Variants in MSMO1 observed in about 807,000 individuals in gnomAD.
MSMO1 encodes C-4 methylsterol oxidase.
A neutral mutation model predicts 30.4 loss-of-function variants in MSMO1; 18 were observed. The ratio of observed to expected loss-of-function variants is 0.59; its 90% CI spans 0.41 to 0.88. MSMO1 has a LOEUF of 0.88. MSMO1 is among the 40% of genes least tolerant of loss of function. The pLI is 0.00. For missense variants in MSMO1, 284 were observed against 340.5 expected (o/e 0.83, Z 1.31); for synonymous variants, 84 against 107.9 (o/e 0.78, Z 1.37).
At chr4:165,336,045 C>A (rs1747534970) in intron 2 of MSMO1, among the ~76,000 whole-genome samples, 1 of 152,022 alleles carries the variant, frequency 6.6e-6, no homozygotes, top group South Asian at 2.1e-4. Context: ...TTAACATATG[C>A]AATAAATGTT....
chr4:165,338,220 A>C (rs183615412), intron 3 of MSMO1, among the ~76,000 whole-genome samples: 1 of 151,718 alleles, frequency 6.6e-6, no homozygotes, highest in East Asian at 1.9e-4. Flanking sequence ...AATATATTAC[A>C]TTTTAATTTT....
chr4:165,331,638 A>G (rs1044134638), intron 1 of MSMO1, among the ~76,000 whole-genome samples: 6 of 152,198 alleles, frequency 3.9e-5, no homozygotes, highest in South Asian at 2.1e-4. Flanking sequence ...GAATGGGATA[A>G]AAGGTCAGTT....
chr4:165,342,183 A>T lies in MSMO1; in HGVS notation c.*237A>T, dbSNP rs1747734158. On this transcript the variant is annotated 3_prime_UTR_variant, in exon 6 of 6. Transcript: ENST00000261507. ...AGTACAGTTTTCATGAGGAAGTTTT[A>T]AAAGACCATGTTCCTAAGCTTCCAA... The T allele has an allele frequency of 7.6e-6, 3 of 393,444 alleles. No homozygotes were observed. The Admixed American group carries it at 1.3e-4, about 16-fold the overall frequency. The allele number at this position is 393,444 out of a possible 1,614,324, so 24.4% of individuals were successfully genotyped here.
chr4:165,336,092 T>A (rs1007749364), intron 2 of MSMO1, among the ~76,000 whole-genome samples: 8 of 152,118 alleles, frequency 5.3e-5, no homozygotes, highest in African/African-American at 1.9e-4. Context: ...TAGAAGAAGT[T>A]GGTGGTGGTG....
rs752641082 is a variant in MSMO1, at chr4:165,337,878, A to T, written c.345A>T (p.Gly115=). The T allele has an allele frequency of 6.2e-7, 1 of 1,613,184 alleles. No individual in the cohort carries two copies. The highest frequency in any genetic ancestry group is 1.1e-5 in the South Asian group (1 of 91,068). Residue 115 remains glycine, a synonymous_variant, in exon 3 of 6, where the codon GGA becomes GGT. Coordinates refer to ENST00000261507, the MANE Select transcript of MSMO1 (RefSeq NM_006745.5). ...HFCIQLPLIC[G]TYYFTEYFNI... is the part of the protein sequence containing the mutation. ...GTATCCAGCTGCCTTTGATTTGTGG[A>T]ACCTATTATTTTACAGAGTATTTCA...
chr4:165,328,442 G>C (rs549057772), intron 1 of MSMO1, among the ~76,000 whole-genome samples: 10 of 152,264 alleles, frequency 6.6e-5, no homozygotes, highest in African/African-American at 2.2e-4. Context: ...GGTTATCTCT[G>C]ATGTTTAAAT....
At chr4:165,337,639 A>G (rs891893357) in intron 2 of MSMO1, 150 bp from the exon 3 acceptor site, 22 of 744,540 alleles carry the variant, frequency 3.0e-5, no homozygotes, top group Admixed American at 8.0e-5. Context: ...GTTGTCAAGA[A>G]TTTAGAAGGC....
intron 2 of MSMO1, among the ~76,000 whole-genome samples, chr4:165,335,665 G>A (rs1019219537): frequency 3.9e-5 from 6 of 152,176 alleles, no homozygotes; most frequent in Non-Finnish European, 8.8e-5. Flanking sequence ...CCTTTGCAGA[G>A]AGACAAAGGA....
At chr4:165,337,417 G>A (rs1396779655) in intron 2 of MSMO1, among the ~76,000 whole-genome samples, 3 of 152,180 alleles carry the variant, frequency 2.0e-5, no homozygotes, top group African/African-American at 7.2e-5. Flanking sequence ...CCAATGCTTC[G>A]TATACAACTT....
intron 2 of MSMO1, 50 bp from the exon 3 acceptor site, chr4:165,337,739 A>G: frequency 6.3e-7 from 1 of 1,588,026 alleles, no homozygotes; most frequent in Non-Finnish European, 8.6e-7. Flanking sequence ...AGGTCAAGTT[A>G]AACTCTGATA....
rs143699913 is a variant in MSMO1 at position 165,339,005 on chromosome 4, G to A, written c.531+227G>A. Reference sequence around the variant, plus strand: ...AAAGAAAAATATTATATGAAAGTTCGGACTTCCATCCTTGTGGACAGTGCT... The same window carrying A: ...AAAGAAAAATATTATATGAAAGTTCAGACTTCCATCCTTGTGGACAGTGCT... On this transcript the variant is annotated intron_variant, in intron 4 of 5. Transcript: ENST00000261507. Among the ~76,000 whole-genome samples, 27 of 150,224 alleles carry A rather than the reference G, an allele frequency of 1.8e-4. No homozygotes were observed. The East Asian group carries it at 5.1e-3, about 28-fold the overall frequency.
At chr4:165,337,959 T>A in intron 3 of MSMO1, 22 bp downstream of exon 3, 1 of 1,608,864 alleles carries the variant, frequency 6.2e-7, no homozygotes, top group Non-Finnish European at 8.5e-7. Flanking sequence ...AAAATTTGGC[T>A]TTTACACCCA....
At chr4:165,337,299 C>T (rs1747580899) in intron 2 of MSMO1, among the ~76,000 whole-genome samples, 1 of 152,188 alleles carries the variant, frequency 6.6e-6, no homozygotes, top group East Asian at 1.9e-4. Context: ...TACTTCTCAA[C>T]TCAGAGAGTT....
intron 2 of MSMO1, among the ~76,000 whole-genome samples, chr4:165,336,061 TC>T (rs1156862914): frequency 6.6e-6 from 1 of 152,214 alleles, no homozygotes; most frequent in Non-Finnish European, 1.5e-5. Context: ...ATGTTTTTAT[TC>T]TTAAAATTGT....
chr4:165,341,884 A>G lies in MSMO1; in HGVS notation c.820A>G (p.Thr274Ala), dbSNP rs1560852097. ...TACATGGTGGGATCGAATTTTTGGAACAGACTCTCAGTATAATGCCTATAA... is the reference window on the plus strand; with the variant it reads ...TACATGGTGGGATCGAATTTTTGGAGCAGACTCTCAGTATAATGCCTATAA... ...TFTWWDRIFG[T>A]DSQYNAYNEK... The change falls in exon 6 of 6, where the codon ACA becomes GCA. Residue 274 changes from threonine to alanine, a missense_variant. By Grantham distance (58) the Thr-to-Ala change is moderately conservative. Coordinates refer to ENST00000261507, the MANE Select transcript of MSMO1 (RefSeq NM_006745.5). The G allele has an allele frequency of 6.2e-7, 1 of 1,613,520 alleles. No individual in the cohort carries two copies. The highest frequency in any genetic ancestry group is 8.5e-7 in the Non-Finnish European group (1 of 1,179,552).
chr4:165,332,191 C>T (rs1348394194), intron 1 of MSMO1, among the ~76,000 whole-genome samples: 1 of 152,164 alleles, frequency 6.6e-6, no homozygotes, highest in African/African-American at 2.4e-5. Context: ...TATACATATG[C>T]ATAAAAGTGC....
chr4:165,337,067 T>C (rs12504526), intron 2 of MSMO1, among the ~76,000 whole-genome samples: 4,614 of 152,308 alleles, frequency 0.03, 208 homozygotes, highest in East Asian at 0.2. Flanking sequence ...ATAACTGATA[T>C]TTATTGTCAC....
At chr4:165,329,789 C>T (rs1238672286) in intron 1 of MSMO1, among the ~76,000 whole-genome samples, 1 of 151,980 alleles carries the variant, frequency 6.6e-6, no homozygotes, top group Non-Finnish European at 1.5e-5. Flanking sequence ...CATACGCCAC[C>T]ACACCCGGCT....
intron 1 of MSMO1, among the ~76,000 whole-genome samples, chr4:165,332,799 T>G: frequency 6.6e-6 from 1 of 152,260 alleles, no homozygotes; most frequent in East Asian, 1.9e-4. Context: ...GTTCTTCTGT[T>G]GTCTTTTTAG....
Sources: allele counts gnomAD v4.1 joint callset (sites outside exome capture counted in the v4.1 genomes callset), GRCh38; gene constraint gnomAD v4.1.1; transcripts MANE v1.5; gene names NCBI Gene and HGNC (gene_info 2026-07-23, HGNC 2026-07-21).